Variants in THADA observed in about 807,000 individuals in gnomAD.
THADA encodes THADA armadillo repeat containing.
A neutral mutation model predicts 219.8 loss-of-function variants in THADA; 213 were observed. The observed-to-expected ratio is 0.97, with a 90% CI of 0.87 to 1.09. THADA has a LOEUF of 1.09. THADA is among the 50% of genes least tolerant of loss of function. The pLI, the probability that THADA is intolerant of heterozygous loss-of-function variation, is 0.00. For missense variants in THADA, 2,956 were observed against 2,311.3 expected (o/e 1.28, Z -5.72); for synonymous variants, 1,018 against 828.9 (o/e 1.23, Z -3.92).
intron 26 of THADA, 142 bp from the exon 27 acceptor site, chr2:43,430,444 T>G: frequency 1.7e-6 from 1 of 575,456 alleles, no homozygotes. Flanking sequence ...TACAGCATCT[T>G]AAGAATTTAA....
chr2:43,487,971 T>C (rs911443567), intron 25 of THADA, among the ~76,000 whole-genome samples: 1 of 152,196 alleles, frequency 6.6e-6, no homozygotes, highest in African/African-American at 2.4e-5. Context: ...AATCACGATA[T>C]TCTATAGGCC....
rs1475933185 is a variant in THADA, at chr2:43,252,588, T to C, written c.5297-19706A>G. Among the ~76,000 whole-genome samples, 4 of 152,164 alleles carry C rather than the reference T, an allele frequency of 2.6e-5. No homozygotes were observed. The East Asian group carries it at 7.7e-4, about 29-fold the overall frequency. ...TTCCTAACACGACTGTTTAACCTTCTACCTTTTCCACTGAAATTACCCACG... is the reference window on the plus strand; with the variant it reads ...TTCCTAACACGACTGTTTAACCTTCCACCTTTTCCACTGAAATTACCCACG... On this transcript the variant is annotated intron_variant, in intron 36 of 37. Coordinates refer to ENST00000405975, the MANE Select transcript of THADA (RefSeq NM_022065.5).
intron 31 of THADA, among the ~76,000 whole-genome samples, chr2:43,317,588 T>G (rs906096733): frequency 6.6e-6 from 1 of 152,236 alleles, no homozygotes; most frequent in Non-Finnish European, 1.5e-5. Flanking sequence ...CACACAAGAA[T>G]AGACTTCACT....
At chr2:43,291,070 T>C (rs750378986) in intron 34 of THADA, among the ~76,000 whole-genome samples, 55 of 152,018 alleles carry the variant, frequency 3.6e-4, no homozygotes, top group African/African-American at 1.2e-3. Context: ...AGAGTCCAGC[T>C]AGAGAAATGG....
intron 36 of THADA, among the ~76,000 whole-genome samples, chr2:43,267,478 C>T (rs990660463): frequency 2.0e-5 from 3 of 152,186 alleles, no homozygotes; most frequent in Admixed American, 1.3e-4. Flanking sequence ...AGTCTTTCCC[C>T]CTTACACAGA....
chr2:43,402,081 C>G (rs994998647), intron 28 of THADA, among the ~76,000 whole-genome samples: 2 of 152,142 alleles, frequency 1.3e-5, no homozygotes, highest in Non-Finnish European at 2.9e-5. Context: ...GACACACATC[C>G]AAAACCCTTG....
intron 8 of THADA, among the ~76,000 whole-genome samples, chr2:43,579,560 G>A (rs1183659215): frequency 6.6e-6 from 1 of 152,156 alleles, no homozygotes; most frequent in African/African-American, 2.4e-5. Flanking sequence ...TAAGAAAACT[G>A]TGACTTTGAT....
chr2:43,351,800 T>C (rs763114325), intron 29 of THADA, among the ~76,000 whole-genome samples: 11 of 152,154 alleles, frequency 7.2e-5, no homozygotes, highest in Non-Finnish European at 1.3e-4. Context: ...TTGGGGGAAA[T>C]AGTATTGACA....
At chr2:43,543,088 T>C (rs1048976402) in intron 20 of THADA, among the ~76,000 whole-genome samples, 9 of 144,200 alleles carry the variant, frequency 6.2e-5, no homozygotes, top group African/African-American at 1.8e-4. Flanking sequence ...TGTGTTCTCA[T>C]TGTTCAATTC....
At chr2:43,460,736 T>C (rs1683540278) in intron 26 of THADA, among the ~76,000 whole-genome samples, 1 of 151,966 alleles carries the variant, frequency 6.6e-6, no homozygotes, top group African/African-American at 2.4e-5. Context: ...AAATGAAGGG[T>C]TGGCGTGGTA....
At chr2:43,388,210 CA>C (rs1350489258) in intron 29 of THADA, among the ~76,000 whole-genome samples, 2 of 152,178 alleles carry the variant, frequency 1.3e-5, no homozygotes, top group African/African-American at 4.8e-5. Context: ...AACCACCAAA[CA>C]AATCCCTTCA....
intron 36 of THADA, among the ~76,000 whole-genome samples, chr2:43,279,174 G>A (rs1404937443): frequency 1.3e-5 from 2 of 152,138 alleles, no homozygotes; most frequent in South Asian, 2.1e-4. Context: ...CCCGGGCCTG[G>A]GGCTGTAACC....
intron 30 of THADA, among the ~76,000 whole-genome samples, chr2:43,337,625 C>G (rs557381047): frequency 1.8e-4 from 27 of 152,064 alleles, no homozygotes; most frequent in African/African-American, 6.5e-4. Context: ...TTTTCCATTT[C>G]CCCTTGACCA....
chr2:43,574,260 G>T, intron 11 of THADA, 76 bp downstream of exon 11: 1 of 959,150 alleles, frequency 1.0e-6, no homozygotes, highest in Non-Finnish European at 1.5e-6. Flanking sequence ...ATTTGAATAT[G>T]ATTAGTATCT....
intron 26 of THADA, among the ~76,000 whole-genome samples, chr2:43,458,259 T>C (rs1039720181): frequency 6.6e-5 from 10 of 152,168 alleles, no homozygotes; most frequent in Non-Finnish European, 1.3e-4. Flanking sequence ...ACCTAAAAGA[T>C]ATGACTCACA....
At chr2:43,248,162 TATAGAGAGAGAGAGAGAGAGAGAGAGAG>T (rs1669411055) in intron 36 of THADA, among the ~76,000 whole-genome samples, 7 of 44,402 alleles carry the variant, frequency 1.6e-4, no homozygotes, top group African/African-American at 9.1e-4. Flanking sequence ...TATATATATA[TATAGAGAGAGAGAGAGAGAGAGAGAGAG>T]AGAGAGAGAG....
chr2:43,293,065 G>A lies in THADA; in HGVS notation c.4587C>T (p.Ala1529=), dbSNP rs779355008. The A allele has an allele frequency of 7.4e-6, 12 of 1,613,926 alleles. No individual in the cohort carries two copies. Among genetic ancestry groups the A allele is most frequent in the South Asian group, 5.5e-5 (5 of 91,074 alleles). Reference sequence around the variant, plus strand: ...CCCGCTCTCCACTCTTGGCTGCCGCGGCCCACACTGCAGCAATGGCTAGTC... The same window carrying A: ...CCCGCTCTCCACTCTTGGCTGCCGCAGCCCACACTGCAGCAATGGCTAGTC... ...LTRLAIAAVW[A]AAAKSGERET... The change falls in exon 32 of 38, where the codon GCC becomes GCT. Residue 1529 remains alanine, a synonymous_variant. Transcript: ENST00000405975.
intron 26 of THADA, among the ~76,000 whole-genome samples, chr2:43,451,844 C>T (rs530004175): frequency 1.3e-5 from 2 of 152,324 alleles, no homozygotes; most frequent in African/African-American, 4.8e-5. Context: ...CAGTGGCTCA[C>T]GCCTGTAATC....
At chr2:43,292,293 A>G (rs1172717902) in intron 32 of THADA, 71 bp from the exon 33 acceptor site, 1 of 984,530 alleles carries the variant, frequency 1.0e-6, no homozygotes, top group Non-Finnish European at 1.5e-6. Context: ...ATGTTACATG[A>G]TAATCAATTG....
Sources: gnomAD v4.1 joint callset for allele counts (sites outside exome capture counted in the v4.1 genomes callset) on GRCh38, gnomAD v4.1.1 for gene constraint, MANE v1.5 for transcripts, NCBI Gene and HGNC (gene_info 2026-07-23, HGNC 2026-07-21) for gene names.